ARHGAP45: variants seen among roughly 807,000 people sequenced by gnomAD.
ARHGAP45 encodes the protein rho GTPase-activating protein 45.
A neutral mutation model predicts 116.1 loss-of-function variants in ARHGAP45; 56 were observed. The ratio of observed to expected loss-of-function variants is 0.48; its 90% CI spans 0.39 to 0.60. The LOEUF (loss-of-function observed/expected upper bound fraction) is 0.60. Among genes scored for constraint, ARHGAP45 ranks in the 20% least tolerant of loss-of-function variants. ARHGAP45 has a pLI of 0.00. For missense variants in ARHGAP45, 1,622 were observed against 1,601.0 expected (o/e 1.01, Z -0.22); for synonymous variants, 866 against 701.7 (o/e 1.23, Z -3.70).
intron 19 of ARHGAP45, among the ~76,000 whole-genome samples, chr19:1,082,213 T>TG (rs2145079696): frequency 3.1e-5 from 1 of 32,442 alleles, no homozygotes; most frequent in African/African-American, 1.4e-4. Flanking sequence ...AGGGGCGGGG[T>TG]GGGGCTTGGT....
chr19:1,086,187 C>G lies in ARHGAP45; in HGVS notation c.*181C>G, dbSNP rs1440481280. On this transcript the variant is annotated 3_prime_UTR_variant, in exon 23 of 23. Transcript: ENST00000313093. The stretch of plus-strand genomic sequence containing the variant: ...CAGAGGCTTCCAGGAGCACGAGGGC[C>G]TTGCGGCACAGGACTGTGCCCTGTG... 2 of 608,064 alleles carry G rather than the reference C, an allele frequency of 3.3e-6. No homozygotes were observed. The highest frequency in any genetic ancestry group is 2.9e-6 in the Non-Finnish European group (1 of 343,950). 37.7% of individuals were successfully genotyped at this position (608,064 alleles called of 1,614,324 possible).
In ARHGAP45 at chr19:1,071,165, C is replaced by T; in HGVS notation, c.422-1984C>T. The stretch of plus-strand genomic sequence containing the variant: ...GGCTGGGGCGAACGGGACCCCAGGG[C>T]GGGGTTTCCCTCGCGGGGGCGGGGC... On this transcript the variant is annotated intron_variant, in intron 2 of 22. Coordinates refer to ENST00000313093, the MANE Select transcript of ARHGAP45 (RefSeq NM_012292.5). This position sits in a 1 kb window ranked among gnomAD's most constrained non-coding sequence, Gnocchi z 4.6. 7.6e-7 allele frequency: 1 copy of T among 1,321,054 alleles called. No individual in the cohort carries two copies. Among genetic ancestry groups the T allele is most frequent in the Non-Finnish European group, 9.7e-7 (1 of 1,035,448 alleles). 81.8% of individuals were successfully genotyped at this position (1,321,054 alleles called of 1,614,324 possible).
intron 11 of ARHGAP45, 33 bp downstream of exon 11, chr19:1,078,078 C>T: frequency 6.5e-7 from 1 of 1,531,178 alleles, no homozygotes; most frequent in Non-Finnish European, 8.8e-7. Flanking sequence ...CTGGAGGTCC[C>T]TGGAGGAGGA....
In ARHGAP45 at chr19:1,069,480, AGCC is replaced by A. The variant is rs2043099156; in HGVS notation, c.421+740_421+742del. Among the ~76,000 whole-genome samples the A allele has an allele frequency of 6.6e-6, 1 of 152,242 alleles. No homozygotes were observed. The highest frequency in any genetic ancestry group is 1.5e-5 in the Non-Finnish European group (1 of 68,032). ...CCAGGCGCTCTGATCTGCTCCCAGC[AGCC>A]GCCCATTTTACAGATGACGAAACTA... On this transcript the variant is annotated intron_variant, in intron 2 of 22. Coordinates refer to ENST00000313093, the MANE Select transcript of ARHGAP45 (RefSeq NM_012292.5). This position sits in a 1 kb window ranked among gnomAD's most constrained non-coding sequence, Gnocchi z 4.1.
rs746653901 is a variant in ARHGAP45 at position 1,077,900 on chromosome 19, T to C, written c.1229T>C (p.Val410Ala). 6.4e-7 allele frequency: 1 copy of C among 1,554,512 alleles called. No individual in the cohort carries two copies. Residue 410 changes from valine to alanine, a missense_variant, in exon 11 of 23, where the codon GTG (valine) becomes GCG (alanine). Transcript: ENST00000313093. ...CTGCGCAAGGCCAAGCAGGGTTACGTGCAGCGCTGCGAGGACCACGACAAG... is the reference window on the plus strand; with the variant it reads ...CTGCGCAAGGCCAAGCAGGGTTACGCGCAGCGCTGCGAGGACCACGACAAG... ...SNLRKAKQGY[V>A]QRCEDHDKAR...
Position 1,073,199 on chromosome 19 carries a change from C to T in ARHGAP45, c.472C>T (p.Leu158=). The T allele has an allele frequency of 6.2e-7, 1 of 1,612,748 alleles. No individual in the cohort carries two copies. The highest frequency in any genetic ancestry group is 1.1e-5 in the South Asian group (1 of 91,082). Reference sequence around the variant, plus strand: ...GGCCCACGAGTGCCTGGGTGAGGCTCTGCGTGTCATGCATCAGATCATCTC... The same window carrying T: ...GGCCCACGAGTGCCTGGGTGAGGCTTTGCGTGTCATGCATCAGATCATCTC... ...PRAHECLGEA[L]RVMHQIISKY... The change falls in exon 3 of 23, where the codon CTG becomes TTG. Residue 158 remains leucine (L), a synonymous_variant. Coordinates refer to ENST00000313093, the MANE Select transcript of ARHGAP45 (RefSeq NM_012292.5).
At position 1,068,149 on chromosome 19, in the gene ARHGAP45, A is replaced by AC. The variant is rs1182158114; in HGVS notation, c.91-259dup. Among the ~76,000 whole-genome samples, 9 of 150,308 alleles carry AC rather than the reference A, an allele frequency of 6.0e-5. No homozygotes were observed. The highest frequency in any genetic ancestry group is 5.9e-4 in the East Asian group (3 of 5,066). ...TCCCCACCCCCACCAGGAAGTGGGG[A>AC]CCCCCCTCCCGCGCCTCCCCGCAGG... On this transcript the variant is annotated intron_variant, in intron 1 of 22. Coordinates refer to ENST00000313093, the MANE Select transcript of ARHGAP45 (RefSeq NM_012292.5). The surrounding 1 kb of genome is among the most constrained non-coding windows in gnomAD (Gnocchi z 7.5).
chr19:1,082,498 G>C (rs1018390186), intron 19 of ARHGAP45: 2 of 392,956 alleles, frequency 5.1e-6, no homozygotes, highest in Non-Finnish European at 9.2e-6. Context: ...GTCTGGGGAA[G>C]GGCGGAGCTG....
upstream of ARHGAP45, among the ~76,000 whole-genome samples, chr19:1,066,911 C>T (rs948128857): frequency 1.3e-5 from 2 of 152,146 alleles, no homozygotes; most frequent in Non-Finnish European, 2.9e-5. Flanking sequence ...GAGGGCGAGG[C>T]TCCAGGGGCT....
intron 17 of ARHGAP45, 54 bp from the exon 18 acceptor site, chr19:1,081,496 C>A: frequency 7.0e-7 from 1 of 1,425,500 alleles, no homozygotes; most frequent in Non-Finnish European, 9.2e-7. Flanking sequence ...CCGCTGGGGG[C>A]TGCGCTGAGC....
At chr19:1,078,459 A>G (rs370077413) in intron 11 of ARHGAP45, among the ~76,000 whole-genome samples, 3 of 130,258 alleles carry the variant, frequency 2.3e-5, no homozygotes, top group African/African-American at 8.9e-5. Flanking sequence ...TTTTTTGGAG[A>G]CAGAGTCTCA....
Position 1,082,893 on chromosome 19 carries a change from C to G in ARHGAP45, c.2571C>G (p.Ala857=). 1 of 1,591,162 alleles carries G rather than the reference C, an allele frequency of 6.3e-7. No homozygotes were observed. The highest frequency in any genetic ancestry group is 1.1e-5 in the South Asian group (1 of 88,372). ...FRLYHELVGL[A]KDSLKAEAEA... ...TCTACCACGAGCTCGTAGGGCTGGC[C>G]AAGGACAGCCTGAAGGCAGAGGCCG... The change falls in exon 20 of 23, where the codon GCC becomes GCG. Residue 857 remains alanine (A), a synonymous_variant. Transcript: ENST00000313093.
At chr19:1,073,787 G>T (rs1487377449) in intron 5 of ARHGAP45, 41 bp downstream of exon 5, 1 of 1,555,042 alleles carries the variant, frequency 6.4e-7, no homozygotes, top group South Asian at 1.2e-5. Context: ...CCAGCTTCTG[G>T]AGGCCAGCCG....
chr19:1,081,723 G>C lies in ARHGAP45; in HGVS notation c.2364G>C (p.Arg788=). 1.3e-6 allele frequency: 2 copies of C among 1,571,292 alleles called. No individual in the cohort carries two copies. The highest frequency in any genetic ancestry group is 8.6e-7 in the Non-Finnish European group (1 of 1,158,262). ...VKKCVCEIER[R]ALRTKGIYRV... ...AGTGCGTCTGCGAGATCGAGCGGCG[G>C]GCGCTGCGCACCAAGGTGAGGCGGG... Residue 788 remains arginine (R), a synonymous_variant, in exon 18 of 23, where the codon CGG becomes CGC. Coordinates refer to ENST00000313093, the MANE Select transcript of ARHGAP45 (RefSeq NM_012292.5).
intron 22 of ARHGAP45, 131 bp from the exon 23 acceptor site, chr19:1,085,529 C>T (rs1213270983): frequency 3.1e-6 from 2 of 643,416 alleles, no homozygotes; most frequent in Non-Finnish European, 5.3e-6. Flanking sequence ...CCTGTCTCTC[C>T]CCATCTCTCC....
chr19:1,079,552 T>C, intron 11 of ARHGAP45, 151 bp from the exon 12 acceptor site: 1 of 833,678 alleles, frequency 1.2e-6, no homozygotes, highest in Non-Finnish European at 1.9e-6. Flanking sequence ...TTGCTCAGGC[T>C]GGTCTCGAAC....
intron 3 of ARHGAP45, 93 bp from the exon 4 acceptor site, chr19:1,073,413 G>A: frequency 6.4e-7 from 1 of 1,558,382 alleles, no homozygotes; most frequent in South Asian, 1.1e-5. Flanking sequence ...GCTCCCTCCT[G>A]TTCCCCCTGG....
At position 1,080,910 on chromosome 19, in the gene ARHGAP45, C is replaced by G; in HGVS notation, c.2036C>G (p.Thr679Ser). The change falls in exon 17 of 23, where the codon ACC becomes AGC. Residue 679 changes from threonine to serine, a missense_variant. Physicochemically the swap from Thr to Ser is moderately conservative, Grantham distance 58 (BLOSUM62 1). Transcript: ENST00000313093. ...CCCGCAGCTGACCTCAACGGCATGA[C>G]CCCCGAGCTGCCGGTGGCCGTGCCC... ...AFEQADLNGM[T>S]PELPVAVPSG... 6.2e-7 allele frequency: 1 copy of G among 1,608,426 alleles called. No individual in the cohort carries two copies. Among genetic ancestry groups the G allele is most frequent in the Non-Finnish European group, 8.5e-7 (1 of 1,177,718 alleles).
intron 21 of ARHGAP45, 24 bp downstream of exon 21, chr19:1,083,377 G>A (rs113388297): frequency 1.3e-6 from 2 of 1,531,674 alleles, no homozygotes; most frequent in Admixed American, 2.0e-5. Flanking sequence ...CCTGACCGGG[G>A]CTGGCCACTC....
Sources: allele counts gnomAD v4.1 joint callset (sites outside exome capture counted in the v4.1 genomes callset), GRCh38; gene constraint gnomAD v4.1.1; non-coding constraint Gnocchi (gnomAD v3.1); transcripts MANE v1.5; gene names NCBI Gene and HGNC (gene_info 2026-07-23, HGNC 2026-07-21).